Variants in PRKDC observed in about 807,000 individuals in gnomAD.
PRKDC encodes the protein protein kinase, DNA-activated, catalytic subunit, also known as DNA-dependent protein kinase catalytic subunit.
In PRKDC, 82 loss-of-function variants were observed where a neutral mutation model predicts 486.9. The ratio of observed to expected loss-of-function variants is 0.17; its 90% confidence interval spans 0.14 to 0.20. The LOEUF is 0.20. Ranked by LOEUF, PRKDC falls within the 10% of genes least tolerant of loss-of-function variation. The pLI is 1.00. For missense variants in PRKDC, 4,504 were observed against 5,038.2 expected, an observed-to-expected ratio of 0.89 and a Z score of 3.21; for synonymous variants, 1,895 against 1,837.0, an observed-to-expected ratio of 1.03 and a Z score of -0.81.
In PRKDC at chr8:47,831,893, C is replaced by T. The variant is rs1222301308; in HGVS notation, c.8186G>A (p.Arg2729His). 1 of 1,613,950 alleles carries T rather than the reference C, an allele frequency of 6.2e-7. No individual in the cohort carries two copies. The highest frequency in any genetic ancestry group is 1.7e-5 in the Admixed American group (1 of 60,022). The change falls in exon 60 of 86, where the codon CGC (arginine) becomes CAC (histidine). Residue 2729 changes from arginine (R) to histidine (H), a missense_variant. Arg to His is a conservative substitution (Grantham distance 29). Transcript: ENST00000314191. ...AAGRTDLLRL[R>H]RRFMRDQEKL... Reference sequence around the variant, plus strand: ...CTCCTGGTCCCTCATAAACCGTCTGCGCAGTCGTAGTAGGTCCGTCCGGCC... The same window carrying T: ...CTCCTGGTCCCTCATAAACCGTCTGTGCAGTCGTAGTAGGTCCGTCCGGCC...
Position 47,879,598 on chromosome 8 carries a change from G to T in PRKDC, c.5128C>A (p.Leu1710Ile). The T allele has an allele frequency of 6.3e-7, 1 of 1,593,924 alleles. No individual in the cohort carries two copies. The highest frequency in any genetic ancestry group is 2.3e-5 in the East Asian group (1 of 44,186). The change falls in exon 39 of 86, where the codon CTT becomes ATT. Residue 1710 changes from leucine to isoleucine, a missense_variant. By Grantham distance (5) the Leu-to-Ile change is conservative (BLOSUM62 2). This residue lies in a region of PRKDC where 1,969 missense variants were observed against 2,068.9 expected (regional missense o/e 0.95). Coordinates refer to ENST00000314191, the MANE Select transcript of PRKDC (RefSeq NM_006904.7). Reference protein sequence around the residue: ...TSLTGGSLEELRRVLEQLIVA... With the variant: ...TSLTGGSLEEIRRVLEQLIVA... ...ATGAGCTGCTCCAGAACACGTCTAAGTTCCTCCAGACTGCCTCCAGTGAGG... is the reference window on the plus strand; with the variant it reads ...ATGAGCTGCTCCAGAACACGTCTAATTTCCTCCAGACTGCCTCCAGTGAGG...
At chr8:47,833,356 T>TC (rs1363964842) in intron 59 of PRKDC, among the ~76,000 whole-genome samples, 3 of 152,076 alleles carry the variant, frequency 2.0e-5, no homozygotes, top group East Asian at 3.9e-4. Context: ...CTGCTGGCGC[T>TC]CCCCCAGGGT....
chr8:47,958,988 A>C (rs1396113352), intron 1 of PRKDC: 2 of 152,232 alleles, frequency 1.3e-5, no homozygotes, highest in Non-Finnish European at 2.9e-5. Flanking sequence ...CAGCTGCCAC[A>C]GCCTCCCAAA....
At chr8:47,943,169 T>G (rs546643424) in intron 10 of PRKDC, 40 bp downstream of exon 10, 1 of 1,593,514 alleles carries the variant, frequency 6.3e-7, no homozygotes, top group East Asian at 2.2e-5. Context: ...ATTCTGTGTG[T>G]GAAAGAAATA....
At chr8:47,842,297 G>A (rs1460825812) in intron 54 of PRKDC, among the ~76,000 whole-genome samples, 4 of 152,130 alleles carry the variant, frequency 2.6e-5, no homozygotes, top group Admixed American at 2.0e-4. Flanking sequence ...TGTGCTGAAC[G>A]CACTGTAATC....
intron 29 of PRKDC, among the ~76,000 whole-genome samples, chr8:47,897,584 G>A (rs2089604509): frequency 6.6e-6 from 1 of 152,182 alleles, no homozygotes; most frequent in African/African-American, 2.4e-5. Context: ...AATATACCTT[G>A]TAAAGCAGTG....
chr8:47,935,412 A>C (rs1225024107), intron 13 of PRKDC, among the ~76,000 whole-genome samples: 1 of 152,112 alleles, frequency 6.6e-6, no homozygotes, highest in African/African-American at 2.4e-5. Flanking sequence ...AGGCAAGAGA[A>C]TCGCTTGAAC....
At chr8:47,946,371 T>C (rs889903832) in intron 7 of PRKDC, among the ~76,000 whole-genome samples, 21 of 152,084 alleles carry the variant, frequency 1.4e-4, no homozygotes, top group African/African-American at 4.8e-4. Flanking sequence ...GCCCATTTCT[T>C]TACTCTCTTC....
Position 47,836,407 on chromosome 8 carries a change from G to A in PRKDC, c.7882C>T (p.Arg2628Cys), listed in dbSNP as rs970509708. The part of the protein sequence containing the change: ...TRTQEGSLSA[R>C]WPVAGQIRAT... ...CTTATCTGCCCTGCCACTGGCCAGC[G>A]AGCTGAGAGGGACCCTTCCTGGGTA... is the stretch of plus-strand genomic sequence containing the variant. The change falls in exon 58 of 86, where the codon CGC becomes TGC. Residue 2628 changes from arginine (R) to cysteine (C), a missense_variant. By Grantham distance (180) the Arg-to-Cys change is radical. Coordinates refer to ENST00000314191, the MANE Select transcript of PRKDC (RefSeq NM_006904.7). 8.7e-6 allele frequency: 14 copies of A among 1,611,942 alleles called. No individual in the cohort carries two copies. The highest frequency in any genetic ancestry group is 1.7e-5 in the Admixed American group (1 of 59,670).
At position 47,927,861 on chromosome 8, in the gene PRKDC, A is replaced by G; in HGVS notation, c.2169T>C (p.Asp723=). The change falls in exon 20 of 86, where the codon GAT becomes GAC. Residue 723 remains aspartate, a synonymous_variant. Coordinates refer to ENST00000314191, the MANE Select transcript of PRKDC (RefSeq NM_006904.7). ...EVAVKMKQYK[D]ELLASCLTFL... ...AGGTCAAACAAGAGGCCAAAAGTTC[A>G]TCTTTGTACTGCTTCATTTTAACTG... 6.3e-7 allele frequency: 1 copy of G among 1,591,216 alleles called. No individual in the cohort carries two copies. Among genetic ancestry groups the G allele is most frequent in the Non-Finnish European group, 8.5e-7 (1 of 1,169,884 alleles).
At chr8:47,906,548 C>T (rs966467268) in intron 25 of PRKDC, among the ~76,000 whole-genome samples, 5 of 150,722 alleles carry the variant, frequency 3.3e-5, no homozygotes, top group African/African-American at 9.7e-5. Context: ...GCAGGAAAAT[C>T]GCTTGAACTG....
intron 40 of PRKDC, among the ~76,000 whole-genome samples, chr8:47,874,517 G>T (rs2089044257): frequency 6.6e-6 from 1 of 152,186 alleles, no homozygotes; most frequent in South Asian, 2.1e-4. Context: ...TAACACTTTG[G>T]GCGGCTGAGG....
intron 80 of PRKDC, among the ~76,000 whole-genome samples, chr8:47,781,958 A>C (rs1486772519): frequency 2.6e-5 from 4 of 152,266 alleles, no homozygotes; most frequent in African/African-American, 9.6e-5. Context: ...CCCCCCACCC[A>C]AAGTTAATAA....
intron 10 of PRKDC, 96 bp downstream of exon 10, chr8:47,943,113 C>A: frequency 7.2e-7 from 1 of 1,380,328 alleles, no homozygotes; most frequent in Non-Finnish European, 9.8e-7. Flanking sequence ...AGCTACAGAT[C>A]AACTTGTATT....
At chr8:47,937,281 A>G (rs999012451) in intron 11 of PRKDC, among the ~76,000 whole-genome samples, 2 of 152,128 alleles carry the variant, frequency 1.3e-5, no homozygotes, top group African/African-American at 2.4e-5. Flanking sequence ...AATAAATAAA[A>G]TATATCTCAT....
intron 65 of PRKDC, 36 bp downstream of exon 65, chr8:47,821,563 CTAAAA>C (rs1266011309): frequency 6.5e-7 from 1 of 1,534,728 alleles, no homozygotes; most frequent in Non-Finnish European, 8.8e-7. Flanking sequence ...AAACACCTAT[CTAAAA>C]TAATTATTTC....
At chr8:47,857,090 G>A (rs2088557829) in intron 49 of PRKDC, 66 bp downstream of exon 49, 8 of 1,508,368 alleles carry the variant, frequency 5.3e-6, no homozygotes, top group Admixed American at 2.1e-5. Context: ...TGAATTATGT[G>A]TCATAGGCTC....
rs549291437 is a variant in PRKDC at position 47,920,821 on chromosome 8, A to G, written c.2420-2438T>C. On this transcript the variant is annotated intron_variant, in intron 21 of 85. Transcript: ENST00000314191. ...AAAACTGTGGTGTAATATACATAAC[A>G]TGAAATGTACTCTTTTAACCATTTT... Among the ~76,000 whole-genome samples the G allele has an allele frequency of 3.3e-5, 5 of 152,344 alleles. No homozygotes were observed. The South Asian group carries it at 1.0e-3, about 32-fold the overall frequency.
At chr8:47,822,643 AGCCGGGCGTGGTG>A (rs1445741630) in intron 64 of PRKDC, among the ~76,000 whole-genome samples, 2 of 151,990 alleles carry the variant, frequency 1.3e-5, no homozygotes, top group African/African-American at 4.8e-5. Context: ...ACAAAAAATT[AGCCGGGCGTGGTG>A]GCGGGCACCT....
Sources: allele counts gnomAD v4.1 joint callset (sites outside exome capture counted in the v4.1 genomes callset), GRCh38; gene constraint gnomAD v4.1.1; regional missense constraint gnomAD v4.1.1; transcripts MANE v1.5; gene names NCBI Gene and HGNC (gene_info 2026-07-23, HGNC 2026-07-21).